TTC13: variants seen among roughly 807,000 people sequenced by gnomAD.
The protein encoded by TTC13 is tetratricopeptide repeat domain 13.
Under a neutral mutation model 120.0 loss-of-function variants are expected in TTC13, and 62 were observed. The ratio of observed to expected loss-of-function variants is 0.52; its 90% CI spans 0.42 to 0.64. TTC13 has a LOEUF of 0.64. Ranked by LOEUF, TTC13 falls within the 30% of genes least tolerant of loss-of-function variation. The pLI is 0.00. For synonymous variants in TTC13, 384 were observed against 393.5 expected (o/e 0.98, Z 0.28); for missense variants, 824 against 1,050.2 (o/e 0.78, Z 2.98).
chr1:230,955,223 C>T (rs1675939887), intron 3 of TTC13, among the ~76,000 whole-genome samples: 1 of 152,196 alleles, frequency 6.6e-6, no homozygotes, highest in Non-Finnish European at 1.5e-5. Flanking sequence ...CCTCACTCAA[C>T]ATCACTATTT....
chr1:230,938,748 AT>A (rs1398357260), intron 8 of TTC13, among the ~76,000 whole-genome samples: 1 of 152,172 alleles, frequency 6.6e-6, no homozygotes, highest in African/African-American at 2.4e-5. Context: ...TAAATTACAG[AT>A]TTGGTCTCAG....
At chr1:230,908,499 C>T in intron 22 of TTC13, 1 of 565,710 alleles carries the variant, frequency 1.8e-6, no homozygotes, top group Non-Finnish European at 3.2e-6. Flanking sequence ...CTTCATAGTC[C>T]ATTTTTATCC....
Position 230,916,130 on chromosome 1 carries a change from A to T in TTC13, c.2093+63T>A. 3 of 1,235,494 alleles carry T rather than the reference A, an allele frequency of 2.4e-6. No homozygotes were observed. The South Asian group carries it at 3.6e-5, about 15-fold the overall frequency. The allele number at this position is 1,235,494 out of a possible 1,614,324, so 76.5% of individuals were successfully genotyped here. A position where few individuals can be genotyped will look rare whatever the true frequency, so the allele number is the denominator to read the frequency against. ...AACACCACAAAACTCTATAGTGACAATAAGCACAGGCACCCTTCCTGCCTC... is the reference window on the plus strand; with the variant it reads ...AACACCACAAAACTCTATAGTGACATTAAGCACAGGCACCCTTCCTGCCTC... On this transcript the variant is annotated intron_variant, in intron 18 of 22. Coordinates refer to ENST00000366661, the MANE Select transcript of TTC13 (RefSeq NM_024525.5).
intron 17 of TTC13, 38 bp from the exon 18 acceptor site, chr1:230,916,340 C>A (rs1314034565): frequency 6.8e-7 from 1 of 1,471,782 alleles, no homozygotes; most frequent in Non-Finnish European, 9.5e-7. Context: ...ACTAGTGTTT[C>A]ATTCACTGTA....
At position 230,940,513 on chromosome 1, in the gene TTC13, A is replaced by T. The variant is rs769352555; in HGVS notation, c.716T>A (p.Leu239His). The T allele has an allele frequency of 6.2e-7, 1 of 1,613,738 alleles. No homozygotes were observed. Among genetic ancestry groups the T allele is most frequent in the South Asian group, 1.1e-5 (1 of 91,054 alleles). Reference protein sequence around the residue: ...LGRINEAVNDLTKAIQLQPSA... With the variant: ...LGRINEAVNDHTKAIQLQPSA... ...GGGCTGCAGTTGGATAGCTTTAGTG[A>T]GGTCATTCACTGCTTCATTAATTCG... Residue 239 changes from leucine (L) to histidine (H), a missense_variant, in exon 7 of 23, where the codon CTC (leucine) becomes CAC (histidine). Leu to His is a moderately conservative substitution (Grantham distance 99). Coordinates refer to ENST00000366661, the MANE Select transcript of TTC13 (RefSeq NM_024525.5). This position sits in a 1 kb window ranked among gnomAD's most constrained non-coding sequence, Gnocchi z 4.1.
intron 2 of TTC13, among the ~76,000 whole-genome samples, chr1:230,959,656 C>T (rs1676441295): frequency 6.6e-6 from 1 of 152,250 alleles, no homozygotes; most frequent in South Asian, 2.1e-4. Context: ...GCTGGGATTA[C>T]AGGCGTGAGC....
chr1:230,933,231 C>T (rs1382818186), intron 9 of TTC13, among the ~76,000 whole-genome samples: 7 of 152,000 alleles, frequency 4.6e-5, no homozygotes, highest in Non-Finnish European at 1.0e-4. Context: ...CCTTAGCCTC[C>T]CAAAGTGCTG....
chr1:230,907,635 G>A (rs756379460), intron 22 of TTC13, among the ~76,000 whole-genome samples: 4 of 152,222 alleles, frequency 2.6e-5, no homozygotes, highest in Non-Finnish European at 4.4e-5. Context: ...AGGACAAGGT[G>A]TAACTGTTAG....
Position 230,978,611 on chromosome 1 carries a change from A to AGCC in TTC13, c.217_219dup (p.Gly73dup), listed in dbSNP as rs528056496. On this transcript the variant is annotated inframe_insertion, in exon 1 of 23. Coordinates refer to ENST00000366661, the MANE Select transcript of TTC13 (RefSeq NM_024525.5). This position sits in a 1 kb window ranked among gnomAD's most constrained non-coding sequence, Gnocchi z 5.6. ...CCCCAGTCCCCGGACTGCGGGCTGC[A>AGCC]GCCGCCGCCGCCCGCCGGGGCCTCC... The AGCC allele has an allele frequency of 9.0e-6, 13 of 1,442,092 alleles. No individual in the cohort carries two copies. The highest frequency in any genetic ancestry group is 3.0e-5 in the African/African-American group (2 of 67,396). The allele number at this position is 1,442,092 out of a possible 1,614,324, so 89.3% of individuals were successfully genotyped here.
In TTC13 at chr1:230,978,786, G is replaced by A. The variant is rs544938549; in HGVS notation, c.45C>T (p.Gly15=). ...GGGCGGCGCCCGCGGCGGCCACAGC[G>A]CCGCCCCAGAAGCAGCAGCAGCAGC... ...GCCCCCCFWG[G]AVAAAGAARR... is the part of the protein sequence containing the mutation. The change falls in exon 1 of 23, where the codon GGC becomes GGT. Residue 15 remains glycine, a synonymous_variant. Coordinates refer to ENST00000366661, the MANE Select transcript of TTC13 (RefSeq NM_024525.5). This position sits in a 1 kb window ranked among gnomAD's most constrained non-coding sequence, Gnocchi z 5.6. 2.5e-3 allele frequency: 3,752 copies of A among 1,499,112 alleles called. 8 individuals are homozygous for A. The highest frequency in any genetic ancestry group is 3.0e-3 in the Non-Finnish European group (3,402 of 1,133,406). The allele number at this position is 1,499,112 out of a possible 1,614,324, so 92.9% of individuals were successfully genotyped here.
chr1:230,973,919 T>C (rs1030690678), intron 1 of TTC13, among the ~76,000 whole-genome samples: 2 of 151,734 alleles, frequency 1.3e-5, no homozygotes, highest in African/African-American at 4.8e-5. Context: ...CTACTAAAAA[T>C]ACAAAAAATT....
At chr1:230,907,466 T>C (rs972593140) in intron 22 of TTC13, among the ~76,000 whole-genome samples, 3 of 152,244 alleles carry the variant, frequency 2.0e-5, no homozygotes, top group African/African-American at 7.2e-5. Flanking sequence ...CTGTAAAGCG[T>C]TAACTGCAGG....
rs1674484067 is a variant in TTC13 at position 230,940,930 on chromosome 1, C to A, written c.673-374G>T. Reference sequence around the variant, plus strand: ...AATTAACCTGAAAGATAACTTTGAACCATTAAAATAGACAAATTATCGGAC... The same window carrying A: ...AATTAACCTGAAAGATAACTTTGAAACATTAAAATAGACAAATTATCGGAC... On this transcript the variant is annotated intron_variant, in intron 6 of 22. Coordinates refer to ENST00000366661, the MANE Select transcript of TTC13 (RefSeq NM_024525.5). This position sits in a 1 kb window ranked among gnomAD's most constrained non-coding sequence, Gnocchi z 4.1. Among the ~76,000 whole-genome samples, 1 of 152,092 alleles carries A rather than the reference C, an allele frequency of 6.6e-6. No individual in the cohort carries two copies. The highest frequency in any genetic ancestry group is 6.5e-5 in the Admixed American group (1 of 15,272).
chr1:230,962,693 T>C (rs563297755), intron 1 of TTC13, among the ~76,000 whole-genome samples: 2 of 152,262 alleles, frequency 1.3e-5, no homozygotes, highest in Admixed American at 6.5e-5. Context: ...GGTCCAAGTG[T>C]CCATCAACAG....
chr1:230,952,697 T>TA (rs1310636491), intron 4 of TTC13, among the ~76,000 whole-genome samples: 1 of 152,188 alleles, frequency 6.6e-6, no homozygotes, highest in Non-Finnish European at 1.5e-5. Flanking sequence ...AGGCATATTA[T>TA]AGAGCCATTA....
At chr1:230,943,302 G>C (rs1319919919) in intron 6 of TTC13, among the ~76,000 whole-genome samples, 1 of 151,502 alleles carries the variant, frequency 6.6e-6, no homozygotes, top group Non-Finnish European at 1.5e-5. Context: ...ACAATGTGCA[G>C]GTTTGTTACA....
chr1:230,929,693 C>T (rs940514928), intron 11 of TTC13, among the ~76,000 whole-genome samples: 1 of 152,088 alleles, frequency 6.6e-6, no homozygotes, highest in African/African-American at 2.4e-5. Context: ...CTTAAGAATC[C>T]AAGTTCAGTC....
chr1:230,971,260 G>A (rs1677709050), intron 1 of TTC13, among the ~76,000 whole-genome samples: 1 of 148,490 alleles, frequency 6.7e-6, no homozygotes, highest in Non-Finnish European at 1.5e-5. Flanking sequence ...GCAGGAGAAT[G>A]GCATGGACCC....
At chr1:230,972,595 G>A (rs1203249180) in intron 1 of TTC13, among the ~76,000 whole-genome samples, 1 of 152,198 alleles carries the variant, frequency 6.6e-6, no homozygotes, top group African/African-American at 2.4e-5. Flanking sequence ...TAAACTGTCT[G>A]TACATTGAGT....
Sources: gnomAD v4.1 joint callset for allele counts (sites outside exome capture counted in the v4.1 genomes callset) on GRCh38, gnomAD v4.1.1 for gene constraint, Gnocchi (gnomAD v3.1) non-coding constraint, MANE v1.5 for transcripts, NCBI Gene and HGNC (gene_info 2026-07-23, HGNC 2026-07-21) for gene names.